Variants in IL12RB2 observed in about 807,000 individuals in gnomAD.
IL12RB2 encodes interleukin-12 receptor subunit beta-2.
IL12RB2 carries 82 observed loss-of-function variants against 89.4 expected under a neutral mutation model. The ratio of observed to expected loss-of-function variants is 0.92; its 90% confidence interval spans 0.77 to 1.10. The LOEUF (loss-of-function observed/expected upper bound fraction) is 1.10, where lower values mean the gene tolerates loss of function less well. Among genes scored for constraint, IL12RB2 ranks in the 50% least tolerant of loss-of-function variants. The pLI, the probability that IL12RB2 is intolerant of heterozygous loss-of-function variation, is 0.00. For synonymous variants in IL12RB2, 368 were observed against 370.1 expected (o/e 0.99, Z 0.07); for missense variants, 963 against 1,031.9 (o/e 0.93, Z 0.92).
In IL12RB2 at chr1:67,338,896, C is replaced by T. The variant is rs1010757981; in HGVS notation, c.1038+193C>T. 1.1e-5 allele frequency: 7 copies of T among 611,132 alleles called. No individual in the cohort carries two copies. The African/African-American group carries it at 1.3e-4, about 11-fold the overall frequency. 37.9% of individuals were successfully genotyped at this position (611,132 alleles called of 1,614,324 possible). ...AGCTGAGTTCCTTCTTCCACACAGT[C>T]ACATCGTTTCAATCCCACTTCCTAT... On this transcript the variant is annotated intron_variant, in intron 9 of 16. Coordinates refer to ENST00000674203, the MANE Select transcript of IL12RB2 (RefSeq NM_001374259.2).
chr1:67,335,286 A>C (rs578166107), intron 8 of IL12RB2, among the ~76,000 whole-genome samples: 7 of 152,288 alleles, frequency 4.6e-5, no homozygotes, highest in Admixed American at 2.6e-4. Flanking sequence ...TGATAAAGCA[A>C]GAGGGAGCGG....
intron 11 of IL12RB2, among the ~76,000 whole-genome samples, chr1:67,371,187 A>G (rs1663260022): frequency 6.6e-6 from 1 of 152,336 alleles, no homozygotes; most frequent in African/African-American, 2.4e-5. Context: ...TTGGATTACC[A>G]TACTAAGCTG....
chr1:67,308,477 T>C (rs1654578974), intron 1 of IL12RB2, among the ~76,000 whole-genome samples: 1 of 152,134 alleles, frequency 6.6e-6, no homozygotes, highest in Non-Finnish European at 1.5e-5. Context: ...CAGCAGTCTT[T>C]CCTGTGGCCT....
At chr1:67,340,427 C>CA (rs1317422095) in intron 9 of IL12RB2, among the ~76,000 whole-genome samples, 1 of 152,202 alleles carries the variant, frequency 6.6e-6, no homozygotes, top group Non-Finnish European at 1.5e-5. Flanking sequence ...GTTTCTCCTC[C>CA]AAAAATGTCC....
chr1:67,384,797 G>A (rs1428695635), intron 14 of IL12RB2, among the ~76,000 whole-genome samples: 1 of 152,204 alleles, frequency 6.6e-6, no homozygotes, highest in Non-Finnish European at 1.5e-5. Context: ...CATAGCAAGA[G>A]TAACCTTTAC....
intron 10 of IL12RB2, among the ~76,000 whole-genome samples, chr1:67,352,414 G>C (rs575507937): frequency 9.2e-5 from 14 of 152,166 alleles, no homozygotes; most frequent in Non-Finnish European, 1.6e-4. Context: ...CCTTATGATG[G>C]AAATGGTCCA....
chr1:67,385,577 G>A (rs919245950), intron 14 of IL12RB2, among the ~76,000 whole-genome samples: 1 of 152,218 alleles, frequency 6.6e-6, no homozygotes, highest in African/African-American at 2.4e-5. Context: ...AGACAGCAGA[G>A]CCATGTCCTA....
intron 2 of IL12RB2, among the ~76,000 whole-genome samples, chr1:67,317,351 C>T (rs963331171): frequency 2.0e-5 from 3 of 152,178 alleles, no homozygotes; most frequent in African/African-American, 7.2e-5. Context: ...AACAGTGACT[C>T]ACAAGAAACA....
In IL12RB2 at chr1:67,329,871, T is replaced by C. The variant is rs1657829735; in HGVS notation, c.807+142T>C. ...ACACGAGAGAATTATCAGAAAGTCA[T>C]GTATGCCTCTGTTGATTAAGAAATA... On this transcript the variant is annotated intron_variant, in intron 7 of 16. Coordinates refer to ENST00000674203, the MANE Select transcript of IL12RB2 (RefSeq NM_001374259.2). The C allele has an allele frequency of 4.3e-6, 3 of 689,802 alleles. No individual in the cohort carries two copies. The South Asian group carries it at 4.9e-5, about 11-fold the overall frequency. The allele number at this position is 689,802 out of a possible 1,614,324, so 42.7% of individuals were successfully genotyped here.
chr1:67,347,270 T>G (rs1569950313), intron 9 of IL12RB2, among the ~76,000 whole-genome samples: 2 of 152,248 alleles, frequency 1.3e-5, no homozygotes, highest in Non-Finnish European at 2.9e-5. Context: ...GTCTAGATTA[T>G]AGACCCTCTT....
chr1:67,313,586 A>C (rs1246965992), intron 1 of IL12RB2, among the ~76,000 whole-genome samples: 1 of 152,144 alleles, frequency 6.6e-6, no homozygotes, highest in Non-Finnish European at 1.5e-5. Context: ...GCACTGTGGG[A>C]GGCCGAGGCA....
chr1:67,342,209 G>T (rs529369306), intron 9 of IL12RB2, among the ~76,000 whole-genome samples: 52 of 150,580 alleles, frequency 3.5e-4, no homozygotes, highest in Admixed American at 6.0e-4. Flanking sequence ...TGTTTTTTGG[G>T]TTTTTTTTGT....
chr1:67,320,262 C>T, intron 2 of IL12RB2, 71 bp from the exon 3 acceptor site: 1 of 1,602,834 alleles, frequency 6.2e-7, no homozygotes, highest in Admixed American at 1.7e-5. Context: ...ACTTGAAGCT[C>T]TTCTGAGCTA....
At chr1:67,392,252 T>G (rs1403341892) in intron 16 of IL12RB2, among the ~76,000 whole-genome samples, 1 of 152,204 alleles carries the variant, frequency 6.6e-6, no homozygotes, top group African/African-American at 2.4e-5. Context: ...GCATTATCAA[T>G]AGAAGCAAAA....
At chr1:67,319,572 A>G (rs1002831681) in intron 2 of IL12RB2, among the ~76,000 whole-genome samples, 7 of 152,154 alleles carry the variant, frequency 4.6e-5, no homozygotes, top group Non-Finnish European at 1.0e-4. Context: ...AGAAACTCTC[A>G]CTGGTCAAAC....
intron 14 of IL12RB2, among the ~76,000 whole-genome samples, chr1:67,385,012 C>T (rs1316439704): frequency 6.6e-6 from 1 of 152,234 alleles, no homozygotes; most frequent in Non-Finnish European, 1.5e-5. Flanking sequence ...TCTTCTGAGC[C>T]TTCCAAACTG....
At position 67,372,476 on chromosome 1, in the gene IL12RB2, T is replaced by A; in HGVS notation, c.1500T>A (p.Tyr500Ter). The change falls in exon 12 of 17, where the codon TAT becomes TAA. Residue 500 changes from tyrosine (Y) to a stop codon, truncating the protein, a stop_gained. Coordinates refer to ENST00000674203, the MANE Select transcript of IL12RB2 (RefSeq NM_001374259.2). LOFTEE classifies it high-confidence loss of function. ...ACATCTGTTATGAAATCCGTGTGTATGCACTCTCAGGGGATCAAGGAGGAT... is the reference window on the plus strand; with the variant it reads ...ACATCTGTTATGAAATCCGTGTGTAAGCACTCTCAGGGGATCAAGGAGGAT... ...KSYICYEIRVYALSGDQGGCS... is the reference protein window; with the variant it reads ...KSYICYEIRV The A allele has an allele frequency of 1.3e-6, 2 of 1,599,842 alleles. No homozygotes were observed. Among genetic ancestry groups the A allele is most frequent in the Non-Finnish European group, 1.7e-6 (2 of 1,166,948 alleles).
rs138205538 is a variant in IL12RB2, at chr1:67,395,909, C to T, written c.2409C>T (p.Ser803=). The change falls in exon 17 of 17, where the codon TCC becomes TCT. Residue 803 remains serine, a synonymous_variant. Coordinates refer to ENST00000674203, the MANE Select transcript of IL12RB2 (RefSeq NM_001374259.2). ...DLPTHDGYLP[S]NIDDLPSHEA... ...CCACCCATGATGGCTACTTACCCTC[C>T]AACATAGATGACCTCCCCTCACATG... is the stretch of plus-strand genomic sequence containing the variant. The T allele has an allele frequency of 3.6e-4, 583 of 1,610,876 alleles. 2 individuals are homozygous for T. The African/African-American group carries it at 7.3e-3, about 20-fold the overall frequency.
In IL12RB2 at chr1:67,338,653, A is replaced by C. The variant is rs150877640; in HGVS notation, c.988A>C (p.Met330Leu). The C allele has an allele frequency of 6.4e-7, 1 of 1,554,954 alleles. No individual in the cohort carries two copies. Among genetic ancestry groups the C allele is most frequent in the Admixed American group, 1.7e-5 (1 of 59,928 alleles). ...EPTGMLDVWY[M>L]KRHIDYSRQQ... ...TACTGGGATGTTAGATGTCTGGTACATGAAACGGCACATTGACTACAGTAG... is the reference window on the plus strand; with the variant it reads ...TACTGGGATGTTAGATGTCTGGTACCTGAAACGGCACATTGACTACAGTAG... The change falls in exon 9 of 17, where the codon ATG becomes CTG. Residue 330 changes from methionine (M) to leucine (L), a missense_variant. Transcript: ENST00000674203.
Sources: gnomAD v4.1 joint callset for allele counts (sites outside exome capture counted in the v4.1 genomes callset) on GRCh38, gnomAD v4.1.1 for gene constraint, MANE v1.5 for transcripts, NCBI Gene and HGNC (gene_info 2026-07-23, HGNC 2026-07-21) for gene names.